The following SGMS2 variants were observed in gnomAD, a reference collection of about 807,000 sequenced individuals.
SGMS2 encodes sphingomyelin synthase 2, also known as phosphatidylcholine:ceramide cholinephosphotransferase 2.
In SGMS2, 21 loss-of-function variants were observed where a neutral mutation model predicts 43.8. The ratio of observed to expected loss-of-function variants is 0.48; its 90% CI spans 0.34 to 0.69. The LOEUF (loss-of-function observed/expected upper bound fraction) is 0.69. SGMS2 is among the 30% of genes least tolerant of loss of function. The pLI, the probability that SGMS2 is intolerant of heterozygous loss-of-function variation, is 0.01. For missense variants in SGMS2, 384 were observed against 443.2 expected (o/e 0.87, Z 1.20); for synonymous variants, 167 against 160.6 (o/e 1.04, Z -0.30).
chr4:107,882,881 C>G (rs1560658162), intron 2 of SGMS2, among the ~76,000 whole-genome samples: 1 of 152,066 alleles, frequency 6.6e-6, no homozygotes, highest in Non-Finnish European at 1.5e-5. Flanking sequence ...AATGTATAAA[C>G]ATCTATTATT....
chr4:107,843,764 G>A (rs555472234), intron 1 of SGMS2, among the ~76,000 whole-genome samples: 1 of 152,328 alleles, frequency 6.6e-6, no homozygotes, highest in East Asian at 1.9e-4. Flanking sequence ...CAAGTCTGAA[G>A]CAGGGCAGAG....
intron 1 of SGMS2, among the ~76,000 whole-genome samples, chr4:107,828,023 C>T (rs184030849): frequency 3.3e-5 from 5 of 152,222 alleles, no homozygotes; most frequent in African/African-American, 7.2e-5. Context: ...GATTTATTTG[C>T]TGTGAACAAA....
intron 1 of SGMS2, among the ~76,000 whole-genome samples, chr4:107,837,497 G>A (rs985303665): frequency 6.6e-6 from 1 of 152,306 alleles, no homozygotes; most frequent in African/African-American, 2.4e-5. Flanking sequence ...CAGCCTGTGA[G>A]CAGCAGAAGT....
At chr4:107,885,880 C>T (rs1729710777) in intron 2 of SGMS2, among the ~76,000 whole-genome samples, 1 of 152,010 alleles carries the variant, frequency 6.6e-6, no homozygotes, top group Non-Finnish European at 1.5e-5. Flanking sequence ...ACAACAAAGA[C>T]AAAAATGGCC....
chr4:107,828,005 CA>C (rs1187164714), intron 1 of SGMS2, among the ~76,000 whole-genome samples: 1 of 151,690 alleles, frequency 6.6e-6, no homozygotes, highest in Non-Finnish European at 1.5e-5. Context: ...CAAAACAAAA[CA>C]AAAAAAGATT....
At chr4:107,830,728 T>C (rs552493553) in intron 1 of SGMS2, among the ~76,000 whole-genome samples, 1 of 150,406 alleles carries the variant, frequency 6.6e-6, no homozygotes, top group Non-Finnish European at 1.5e-5. Context: ...GGGTTGTTGG[T>C]TTTTTTTGCT....
chr4:107,895,550 G>A lies in SGMS2; in HGVS notation c.-4G>A, dbSNP rs1730593224. 1.2e-6 allele frequency: 2 copies of A among 1,610,930 alleles called. No homozygotes were observed. The highest frequency in any genetic ancestry group is 2.2e-5 in the South Asian group (2 of 90,726). ...CTCCTTTTTGATCTGAAGACTAGGGGACAATGGATATCATAGAGACAGCAA... is the reference window on the plus strand; with the variant it reads ...CTCCTTTTTGATCTGAAGACTAGGGAACAATGGATATCATAGAGACAGCAA... On this transcript the variant is annotated 5_prime_UTR_variant, in exon 3 of 7. Coordinates refer to ENST00000690982, the MANE Select transcript of SGMS2 (RefSeq NM_001375905.1).
At chr4:107,828,285 T>C (rs1400956849) in intron 1 of SGMS2, among the ~76,000 whole-genome samples, 1 of 152,206 alleles carries the variant, frequency 6.6e-6, no homozygotes, top group African/African-American at 2.4e-5. Flanking sequence ...ACGTGACAGT[T>C]GCTTTATACA....
intron 6 of SGMS2, among the ~76,000 whole-genome samples, chr4:107,909,247 A>G (rs1578676100): frequency 6.6e-6 from 1 of 152,158 alleles, no homozygotes; most frequent in East Asian, 1.9e-4. Context: ...CTGGGATTAC[A>G]GGTGCACGAC....
intron 4 of SGMS2, among the ~76,000 whole-genome samples, chr4:107,902,611 C>T (rs1449527521): frequency 6.6e-6 from 1 of 152,114 alleles, no homozygotes; most frequent in African/African-American, 2.4e-5. Context: ...AGCCTCCTGC[C>T]GTAGCACACA....
intron 5 of SGMS2, 45 bp downstream of exon 5, chr4:107,903,431 G>A: frequency 9.5e-6 from 15 of 1,581,754 alleles, no homozygotes; most frequent in Non-Finnish European, 1.3e-5. Context: ...TGTAGTGGGA[G>A]GGATCCCTGG....
At chr4:107,827,517 G>C (rs1171149809) in intron 1 of SGMS2, among the ~76,000 whole-genome samples, 2 of 152,156 alleles carry the variant, frequency 1.3e-5, no homozygotes, top group African/African-American at 4.8e-5. Context: ...CATTCTGAAT[G>C]GTCTTGAATA....
intron 2 of SGMS2, among the ~76,000 whole-genome samples, chr4:107,881,758 C>A (rs1304006375): frequency 1.3e-5 from 2 of 152,120 alleles, no homozygotes; most frequent in Non-Finnish European, 2.9e-5. Flanking sequence ...ACCCGCCCTG[C>A]CACCCACCAC....
intron 2 of SGMS2, among the ~76,000 whole-genome samples, chr4:107,859,648 T>C (rs1402478745): frequency 6.6e-6 from 1 of 152,200 alleles, no homozygotes; most frequent in African/African-American, 2.4e-5. Flanking sequence ...TTGTCAGTGT[T>C]GCGAATGAGG....
At chr4:107,892,708 G>A (rs1730334878) in intron 2 of SGMS2, among the ~76,000 whole-genome samples, 1 of 152,036 alleles carries the variant, frequency 6.6e-6, no homozygotes, top group Non-Finnish European at 1.5e-5. Context: ...CAGGTCATAG[G>A]TAGATAAGAG....
At chr4:107,905,544 C>T (rs957037374) in intron 5 of SGMS2, among the ~76,000 whole-genome samples, 1 of 152,184 alleles carries the variant, frequency 6.6e-6, no homozygotes, top group Non-Finnish European at 1.5e-5. Flanking sequence ...CAACCACCCT[C>T]TGAGGAATGC....
At chr4:107,898,545 G>A (rs2126128831) in intron 3 of SGMS2, among the ~76,000 whole-genome samples, 1 of 152,214 alleles carries the variant, frequency 6.6e-6, no homozygotes, top group East Asian at 1.9e-4. Flanking sequence ...ATGCAGTAAT[G>A]AAGTTACACC....
chr4:107,885,129 A>G (rs754150945), intron 2 of SGMS2, among the ~76,000 whole-genome samples: 1 of 152,180 alleles, frequency 6.6e-6, no homozygotes, highest in Non-Finnish European at 1.5e-5. Context: ...TAACCTAGAT[A>G]ATACTGAAAA....
At chr4:107,902,042 G>C (rs1246029768) in intron 4 of SGMS2, among the ~76,000 whole-genome samples, 1 of 151,790 alleles carries the variant, frequency 6.6e-6, no homozygotes, top group Non-Finnish European at 1.5e-5. Flanking sequence ...AAGTAGCTGG[G>C]ATTACAGGCA....
Sources: allele counts gnomAD v4.1 joint callset (sites outside exome capture counted in the v4.1 genomes callset), GRCh38; gene constraint gnomAD v4.1.1; transcripts MANE v1.5; gene names NCBI Gene and HGNC (gene_info 2026-07-23, HGNC 2026-07-21).